STRN4: variants seen among roughly 807,000 people sequenced by gnomAD.
The protein encoded by STRN4 is striatin-4.
STRN4 carries 27 observed loss-of-function variants against 77.9 expected under a neutral mutation model. The ratio of observed to expected loss-of-function variants is 0.35; its 90% confidence interval spans 0.26 to 0.48. The LOEUF is 0.48. Among genes scored for constraint, STRN4 ranks in the 20% least tolerant of loss-of-function variants. STRN4 has a pLI of 0.99. For missense variants in STRN4, 798 were observed against 1,049.7 expected, an observed-to-expected ratio of 0.76 and a Z score of 3.31; for synonymous variants, 466 against 443.1, an observed-to-expected ratio of 1.05 and a Z score of -0.65.
rs1007122856 is a variant in STRN4 at position 46,745,344 on chromosome 19, T to C, written c.282+805A>G. 6.5e-4 allele frequency among the ~76,000 whole-genome samples: 99 copies of C among 152,090 alleles called. 1 individual carries two copies. The highest frequency in any genetic ancestry group is 2.2e-3 in the African/African-American group (90 of 41,402). On this transcript the variant is annotated intron_variant, in intron 1 of 17. Coordinates refer to ENST00000263280, the MANE Select transcript of STRN4 (RefSeq NM_013403.3). ...GGTACATTCCCTGCTCTGTCCACAC[T>C]TCCACTCCAAAGAACCCTTCCCTGC...
chr19:46,744,846 T>C (rs943749112), intron 1 of STRN4, among the ~76,000 whole-genome samples: 3 of 152,006 alleles, frequency 2.0e-5, no homozygotes, highest in Non-Finnish European at 2.9e-5. Flanking sequence ...CAGCGGGCCA[T>C]TCCTGATCCC....
rs113203527 is a variant in STRN4, at chr19:46,738,032, C to A, written c.460+132G>T. ...GGGCTCTGAGAGTGAGATTCCGCCCCTCCCCAGCCCCGGGGCCGATTCTGC... is the reference window on the plus strand; with the variant it reads ...GGGCTCTGAGAGTGAGATTCCGCCCATCCCCAGCCCCGGGGCCGATTCTGC... On this transcript the variant is annotated intron_variant, in intron 3 of 17. Transcript: ENST00000263280. The surrounding 1 kb of genome is among the most constrained non-coding windows in gnomAD (Gnocchi z 4.5). The A allele has an allele frequency of 1.1e-6, 1 of 928,994 alleles. No individual in the cohort carries two copies. The allele number at this position is 928,994 out of a possible 1,614,324, so 57.5% of individuals were successfully genotyped here. A position where few individuals can be genotyped will look rare whatever the true frequency, so the allele number is the denominator to read the frequency against.
At chr19:46,728,984 A>C in intron 6 of STRN4, 1 of 574,282 alleles carries the variant, frequency 1.7e-6, no homozygotes, top group Non-Finnish European at 3.0e-6. Flanking sequence ...CCCCACCCTC[A>C]CGCAGTCCTT....
At chr19:46,725,969 G>T in intron 9 of STRN4, 1 of 299,942 alleles carries the variant, frequency 3.3e-6, no homozygotes. Flanking sequence ...TCAGCCATGA[G>T]CAGGGCAATG....
At chr19:46,731,249 C>T (rs2054243756) in intron 5 of STRN4, among the ~76,000 whole-genome samples, 1 of 152,192 alleles carries the variant, frequency 6.6e-6, no homozygotes, top group South Asian at 2.1e-4. Flanking sequence ...ACCACAAGGG[C>T]AGGTCAGGCA....
chr19:46,724,955 G>A (rs761224979), intron 11 of STRN4, 27 bp from the exon 12 acceptor site: 112 of 1,613,396 alleles, frequency 6.9e-5, no homozygotes, highest in Non-Finnish European at 8.7e-5. Context: ...TGTGGAAAGG[G>A]GGATGAGACA....
chr19:46,725,721 C>A, intron 9 of STRN4, 73 bp from the exon 10 acceptor site: 3 of 1,547,108 alleles, frequency 1.9e-6, no homozygotes, highest in South Asian at 2.4e-5. Flanking sequence ...ACACCCAGGG[C>A]TTGAGGGCCC....
chr19:46,738,984 C>A lies in STRN4; in HGVS notation c.283-96G>T. The A allele has an allele frequency of 9.7e-7, 1 of 1,028,244 alleles. No individual in the cohort carries two copies. The highest frequency in any genetic ancestry group is 1.3e-5 in the South Asian group (1 of 76,708). The allele number at this position is 1,028,244 out of a possible 1,614,324, so 63.7% of individuals were successfully genotyped here. A position where few individuals can be genotyped will look rare whatever the true frequency, so the allele number is the denominator to read the frequency against. On this transcript the variant is annotated intron_variant, in intron 1 of 17. Coordinates refer to ENST00000263280, the MANE Select transcript of STRN4 (RefSeq NM_013403.3). The surrounding 1 kb of genome is among the most constrained non-coding windows in gnomAD (Gnocchi z 4.5). ...CCCAGGTATAGTGCCAGCCCACAGTCACCCCACAGTAATGGGCAGCAGCCA... is the reference window on the plus strand; with the variant it reads ...CCCAGGTATAGTGCCAGCCCACAGTAACCCCACAGTAATGGGCAGCAGCCA...
intron 1 of STRN4, among the ~76,000 whole-genome samples, chr19:46,742,842 C>T (rs1034448677): frequency 1.8e-4 from 28 of 152,288 alleles, no homozygotes; most frequent in African/African-American, 4.6e-4. Flanking sequence ...ATTACAGGCG[C>T]GAGCCACCGC....
chr19:46,722,190 G>A, intron 15 of STRN4, 52 bp downstream of exon 15: 4 of 1,599,660 alleles, frequency 2.5e-6, no homozygotes, highest in Admixed American at 1.7e-5. Flanking sequence ...CATCTCTGCT[G>A]CCTGCCTCTG....
chr19:46,725,012 T>A, intron 11 of STRN4, 84 bp from the exon 12 acceptor site: 2 of 1,586,226 alleles, frequency 1.3e-6, no homozygotes, highest in East Asian at 2.2e-5. Flanking sequence ...CCTACTAGCA[T>A]TCTTCAAGGA....
At chr19:46,722,730 G>T in intron 14 of STRN4, 80 bp downstream of exon 14, 1 of 1,577,810 alleles carries the variant, frequency 6.3e-7, no homozygotes. Flanking sequence ...TGACTGACAA[G>T]GGGTCGCCAA....
chr19:46,734,196 A>G (rs1379181852), intron 4 of STRN4, among the ~76,000 whole-genome samples: 3 of 152,242 alleles, frequency 2.0e-5, no homozygotes, highest in Admixed American at 6.5e-5. Flanking sequence ...TTAACCATGC[A>G]ACCTTGTGTA....
rs918818833 is a variant in STRN4 at position 46,733,756 on chromosome 19, T to C, written c.540-520A>G. On this transcript the variant is annotated intron_variant, in intron 4 of 17. Coordinates refer to ENST00000263280, the MANE Select transcript of STRN4 (RefSeq NM_013403.3). The surrounding 1 kb of genome is among the most constrained non-coding windows in gnomAD (Gnocchi z 4.3). ...AGATCCATAAAAAACATAACAGCAG[T>C]GACCTCTGGAGAATGGGATTAGGGG... 38 of 153,650 alleles carry C rather than the reference T, an allele frequency of 2.5e-4. No homozygotes were observed. Among genetic ancestry groups the C allele is most frequent in the African/African-American group, 9.1e-4 (38 of 41,570 alleles). 9.5% of individuals were successfully genotyped at this position (153,650 alleles called of 1,614,324 possible). A position where few individuals can be genotyped will look rare whatever the true frequency, so the allele number is the denominator to read the frequency against.
intron 17 of STRN4, 63 bp downstream of exon 17, chr19:46,720,473 G>T: frequency 8.6e-7 from 1 of 1,156,276 alleles, no homozygotes; most frequent in Non-Finnish European, 1.1e-6. Context: ...GCGGGGCTCA[G>T]CACACCTGGC....
chr19:46,724,967 G>A (rs1456951881), intron 11 of STRN4, 39 bp from the exon 12 acceptor site: 2 of 1,612,802 alleles, frequency 1.2e-6, no homozygotes, highest in Admixed American at 3.3e-5. Flanking sequence ...GATGAGACAA[G>A]CTCAGGGCCT....
Position 46,722,849 on chromosome 19 carries a change from C to A in STRN4, c.1867G>T (p.Gly623Cys). Reference sequence around the variant, plus strand: ...GACTCCAGCGTGAGGAGGGCACTGCCAACCTCCATGTCATACAAGACGGTG... The same window carrying A: ...GACTCCAGCGTGAGGAGGGCACTGCAAACCTCCATGTCATACAAGACGGTG... ...GDTVLYDMEV[G>C]SALLTLESRG... Residue 623 changes from glycine to cysteine, a missense_variant, in exon 14 of 18, where the codon GGC (glycine) becomes TGC (cysteine). By Grantham distance (159) the Gly-to-Cys change is radical. Coordinates refer to ENST00000263280, the MANE Select transcript of STRN4 (RefSeq NM_013403.3). The A allele has an allele frequency of 6.2e-7, 1 of 1,613,952 alleles. No individual in the cohort carries two copies. Among genetic ancestry groups the A allele is most frequent in the Non-Finnish European group, 8.5e-7 (1 of 1,180,038 alleles).
At chr19:46,730,277 G>T (rs968036714) in intron 6 of STRN4, among the ~76,000 whole-genome samples, 1 of 152,178 alleles carries the variant, frequency 6.6e-6, no homozygotes, top group African/African-American at 2.4e-5. Flanking sequence ...GCCCACACAG[G>T]CCCAGTCCCT....
At position 46,733,280 on chromosome 19, in the gene STRN4, T is replaced by C; in HGVS notation, c.540-44A>G. ...ACGTGGGTCAGACATCCCCTGGGCTTCTTCATGTACCACAGGGGCCAATGC... is the reference window on the plus strand; with the variant it reads ...ACGTGGGTCAGACATCCCCTGGGCTCCTTCATGTACCACAGGGGCCAATGC... On this transcript the variant is annotated intron_variant, in intron 4 of 17. Transcript: ENST00000263280. This position sits in a 1 kb window ranked among gnomAD's most constrained non-coding sequence, Gnocchi z 4.3. 1 of 1,580,864 alleles carries C rather than the reference T, an allele frequency of 6.3e-7. No individual in the cohort carries two copies. Among genetic ancestry groups the C allele is most frequent in the African/African-American group, 1.3e-5 (1 of 74,484 alleles).
Sources: allele counts gnomAD v4.1 joint callset (sites outside exome capture counted in the v4.1 genomes callset), GRCh38; gene constraint gnomAD v4.1.1; non-coding constraint Gnocchi (gnomAD v3.1); transcripts MANE v1.5; gene names NCBI Gene and HGNC (gene_info 2026-07-23, HGNC 2026-07-21).